Variants in RALGPS2 observed in about 807,000 individuals in gnomAD.
The protein encoded by RALGPS2 is Ral GEF with PH domain and SH3 binding motif 2.
A neutral mutation model predicts 86.8 loss-of-function variants in RALGPS2; 43 were observed. The observed-to-expected ratio is 0.50, with a 90% confidence interval of 0.39 to 0.64. The LOEUF (loss-of-function observed/expected upper bound fraction) is 0.64. RALGPS2 is among the 30% of genes least tolerant of loss of function. The pLI, the probability that RALGPS2 is intolerant of heterozygous loss-of-function variation, is 0.00. For missense variants in RALGPS2, 536 were observed against 694.6 expected (o/e 0.77, Z 2.57); for synonymous variants, 243 against 231.3 (o/e 1.05, Z -0.46).
intron 8 of RALGPS2, among the ~76,000 whole-genome samples, chr1:178,857,214 C>T (rs1657647601): frequency 6.6e-6 from 1 of 152,154 alleles, no homozygotes; most frequent in Non-Finnish European, 1.5e-5. Context: ...TGTATACTTA[C>T]AGTATTCATA....
intron 1 of RALGPS2, among the ~76,000 whole-genome samples, chr1:178,753,488 A>C (rs762729570): frequency 2.6e-4 from 40 of 152,176 alleles, no homozygotes; most frequent in Non-Finnish European, 5.0e-4. Context: ...AAATTTATGG[A>C]TATATGAGCT....
At chr1:178,790,539 C>T (rs774122113) in intron 4 of RALGPS2, among the ~76,000 whole-genome samples, 4 of 152,132 alleles carry the variant, frequency 2.6e-5, no homozygotes, top group Non-Finnish European at 4.4e-5. Flanking sequence ...TATCCCTTAA[C>T]GCATGCTATT....
intron 1 of RALGPS2, among the ~76,000 whole-genome samples, chr1:178,774,347 G>A (rs1652972822): frequency 6.6e-6 from 1 of 151,920 alleles, no homozygotes; most frequent in African/African-American, 2.4e-5. Context: ...TATTGTTCCT[G>A]GTCTGTATTA....
rs566142486 is a variant in RALGPS2 at position 178,872,947 on chromosome 1, T to C, written c.608-4551T>C. Among the ~76,000 whole-genome samples the C allele has an allele frequency of 2.0e-5, 3 of 152,226 alleles. No homozygotes were observed. In the South Asian group the frequency reaches 6.2e-4, roughly 32 times the overall value. On this transcript the variant is annotated intron_variant, in intron 8 of 19. Transcript: ENST00000367635. Reference sequence around the variant, plus strand: ...ACTAAGATACTAGAGAAAGTACATGTAGAATGTAAAGGAAGGTTAATGACA... The same window carrying C: ...ACTAAGATACTAGAGAAAGTACATGCAGAATGTAAAGGAAGGTTAATGACA...
At chr1:178,850,495 T>C (rs1448387366) in intron 8 of RALGPS2, 2 of 151,538 alleles carry the variant, frequency 1.3e-5, no homozygotes, top group African/African-American at 4.9e-5. Flanking sequence ...TATGCATGCA[T>C]TATTTTTGGG....
intron 1 of RALGPS2, among the ~76,000 whole-genome samples, chr1:178,744,449 A>G (rs562905249): frequency 4.6e-5 from 7 of 152,266 alleles, no homozygotes; most frequent in African/African-American, 1.7e-4. Flanking sequence ...CAACAAAACA[A>G]AGATGGCTAC....
intron 8 of RALGPS2, among the ~76,000 whole-genome samples, chr1:178,836,342 G>A (rs1011303235): frequency 2.0e-5 from 3 of 152,078 alleles, no homozygotes; most frequent in Admixed American, 6.6e-5. Flanking sequence ...TGTTTTTCTC[G>A]TATCTTCCAT....
chr1:178,750,779 T>A (rs1651607925), intron 1 of RALGPS2, among the ~76,000 whole-genome samples: 1 of 152,242 alleles, frequency 6.6e-6, no homozygotes, highest in South Asian at 2.1e-4. Context: ...TTACCTAAGC[T>A]ACCTTTCTAA....
At chr1:178,838,779 G>A (rs954176362) in intron 8 of RALGPS2, among the ~76,000 whole-genome samples, 1 of 152,126 alleles carries the variant, frequency 6.6e-6, no homozygotes, top group African/African-American at 2.4e-5. Flanking sequence ...AAGATCAGAC[G>A]AATGGCTAAC....
At chr1:178,737,773 C>T (rs1232923607) in intron 1 of RALGPS2, among the ~76,000 whole-genome samples, 1 of 152,042 alleles carries the variant, frequency 6.6e-6, no homozygotes, top group Non-Finnish European at 1.5e-5. Flanking sequence ...AGTTAAATGA[C>T]ATTAATGATT....
chr1:178,736,897 TAAAAAACAAA>T (rs1650743686), intron 1 of RALGPS2, among the ~76,000 whole-genome samples: 1 of 152,036 alleles, frequency 6.6e-6, no homozygotes, highest in South Asian at 2.1e-4. Flanking sequence ...ACCCCTGTCT[TAAAAAACAAA>T]AAGCATATGA....
At chr1:178,884,444 A>C (rs1455929301) in intron 11 of RALGPS2, among the ~76,000 whole-genome samples, 1 of 140,750 alleles carries the variant, frequency 7.1e-6, no homozygotes, top group African/African-American at 2.8e-5. Flanking sequence ...GTATATTCTA[A>C]AAATATTTGA....
Position 178,916,643 on chromosome 1 carries a change from A to G in RALGPS2, c.*284A>G. 1 of 385,734 alleles carries G rather than the reference A, an allele frequency of 2.6e-6. No homozygotes were observed. The highest frequency in any genetic ancestry group is 4.5e-5 in the Admixed American group (1 of 22,464). 23.9% of individuals were successfully genotyped at this position (385,734 alleles called of 1,614,324 possible). The stretch of plus-strand genomic sequence containing the variant: ...AAAGAATGAAAGGAAAACCAACATG[A>G]AACACCAAATAGTGTGTGTGAATCT... On this transcript the variant is annotated 3_prime_UTR_variant, in exon 20 of 20. Coordinates refer to ENST00000367635, the MANE Select transcript of RALGPS2 (RefSeq NM_152663.5).
chr1:178,916,129 A>G (rs112493838), intron 19 of RALGPS2, among the ~76,000 whole-genome samples: 1 of 152,336 alleles, frequency 6.6e-6, no homozygotes, highest in African/African-American at 2.4e-5. Flanking sequence ...TAGAAAGAGT[A>G]TTAACTCATT....
intron 2 of RALGPS2, among the ~76,000 whole-genome samples, chr1:178,780,662 C>G (rs1177359113): frequency 1.3e-5 from 2 of 152,130 alleles, no homozygotes; most frequent in African/African-American, 4.8e-5. Context: ...TCTGTATAAA[C>G]TATTACATTT....
At chr1:178,910,560 A>G (rs1239435571) in intron 19 of RALGPS2, among the ~76,000 whole-genome samples, 10 of 152,222 alleles carry the variant, frequency 6.6e-5, no homozygotes, top group Non-Finnish European at 5.9e-5. Context: ...GTGGTGAATC[A>G]CATTTATTGA....
At chr1:178,755,384 G>A (rs923013312) in intron 1 of RALGPS2, among the ~76,000 whole-genome samples, 1 of 151,972 alleles carries the variant, frequency 6.6e-6, no homozygotes, top group African/African-American at 2.4e-5. Context: ...TGCCATCTTT[G>A]TGTCCACAAA....
intron 8 of RALGPS2, among the ~76,000 whole-genome samples, chr1:178,869,439 AG>A (rs1658612444): frequency 6.6e-6 from 1 of 152,118 alleles, no homozygotes; most frequent in Admixed American, 6.6e-5. Flanking sequence ...GATATATTTA[AG>A]AAAAGGATAA....
chr1:178,854,251 CTGGATCAGAGGA>C (rs1165676459), intron 8 of RALGPS2, among the ~76,000 whole-genome samples: 2 of 152,082 alleles, frequency 1.3e-5, no homozygotes, highest in Non-Finnish European at 2.9e-5. Flanking sequence ...GATCGATCTA[CTGGATCAGAGGA>C]TATCAGTTTA....
Sources: gnomAD v4.1 joint callset for allele counts (sites outside exome capture counted in the v4.1 genomes callset) on GRCh38, gnomAD v4.1.1 for gene constraint, MANE v1.5 for transcripts, NCBI Gene and HGNC (gene_info 2026-07-23, HGNC 2026-07-21) for gene names.